Variants in NDUFB2 observed in about 807,000 individuals in gnomAD.
NDUFB2 encodes NADH dehydrogenase [ubiquinone] 1 beta subcomplex subunit 2, mitochondrial.
In NDUFB2, 13 loss-of-function variants were observed where a neutral mutation model predicts 13.4. The ratio of observed to expected loss-of-function variants is 0.97; its 90% CI spans 0.63 to 1.54. The LOEUF is 1.54. NDUFB2 is among the 40% of genes most tolerant of loss of function. The pLI, the probability that NDUFB2 is intolerant of heterozygous loss-of-function variation, is 0.00. For missense variants in NDUFB2, 150 were observed against 139.7 expected (o/e 1.07, Z -0.37); for synonymous variants, 47 against 50.6 (o/e 0.93, Z 0.30).
intron 3 of NDUFB2, 100 bp downstream of exon 3, chr7:140,705,063 T>C (rs1342358076): frequency 1.8e-6 from 1 of 548,316 alleles, no homozygotes; most frequent in Non-Finnish European, 3.0e-6. Context: ...CTGCATATTC[T>C]AACAGCATGA....
At chr7:140,699,991 G>T (rs1033403103) in intron 1 of NDUFB2, among the ~76,000 whole-genome samples, 41 of 151,576 alleles carry the variant, frequency 2.7e-4, no homozygotes, top group Non-Finnish European at 2.2e-4. Flanking sequence ...TCAAATCTTT[G>T]TTCCAAAAGG....
In NDUFB2 at chr7:140,696,725, C is replaced by G. The variant is rs975827102; in HGVS notation, c.-20C>G. ...GCAGGGGCGAGGCGGCTGGGGACCG[C>G]GGGGCGGACGGGAGCGAGTATGTCC... On this transcript the variant is annotated 5_prime_UTR_variant, in exon 1 of 4. Transcript: ENST00000247866. 9 of 1,567,986 alleles carry G rather than the reference C, an allele frequency of 5.7e-6. 1 individual carries two copies. Among genetic ancestry groups the G allele is most frequent in the Non-Finnish European group, 8.6e-7 (1 of 1,157,886 alleles).
At position 140,698,156 on chromosome 7, in the gene NDUFB2, G is replaced by C. The variant is rs1330866848; in HGVS notation, c.98+1314G>C. ...GAATCTGGAGCTGGGGCAGGTGTGG[G>C]GTGGGCAGAAGGCAAAGCCCTGTGT... On this transcript the variant is annotated intron_variant, in intron 1 of 3. Coordinates refer to ENST00000247866, the MANE Select transcript of NDUFB2 (RefSeq NM_004546.3). The C allele has an allele frequency of 2.2e-6, 3 of 1,352,000 alleles. No homozygotes were observed. In the African/African-American group the frequency reaches 4.4e-5, roughly 20 times the overall value. The allele number at this position is 1,352,000 out of a possible 1,614,324, so 83.8% of individuals were successfully genotyped here.
chr7:140,696,717 G>A lies in NDUFB2; in HGVS notation c.-28G>A, dbSNP rs1468088602. On this transcript the variant is annotated 5_prime_UTR_variant, in exon 1 of 4. Coordinates refer to ENST00000247866, the MANE Select transcript of NDUFB2 (RefSeq NM_004546.3). Reference sequence around the variant, plus strand: ...CGAAGTAGGCAGGGGCGAGGCGGCTGGGGACCGCGGGGCGGACGGGAGCGA... The same window carrying A: ...CGAAGTAGGCAGGGGCGAGGCGGCTAGGGACCGCGGGGCGGACGGGAGCGA... 8 of 1,559,322 alleles carry A rather than the reference G, an allele frequency of 5.1e-6. No homozygotes were observed. The highest frequency in any genetic ancestry group is 6.9e-6 in the Non-Finnish European group (8 of 1,152,640).
rs7778495 is a variant in NDUFB2, at chr7:140,698,283, G to A, written c.98+1441G>A. On this transcript the variant is annotated intron_variant, in intron 1 of 3. Coordinates refer to ENST00000247866, the MANE Select transcript of NDUFB2 (RefSeq NM_004546.3). ...TCTTCCCTGAGGTGCTGGCTTGTTC[G>A]TAACACACACTTGTTTCAGAGTGTG... 22,088 of 1,350,848 alleles carry A rather than the reference G, an allele frequency of 0.016. 2,829 individuals are homozygous for A. In the African/African-American group the frequency reaches 0.28, roughly 17 times the overall value. The allele number at this position is 1,350,848 out of a possible 1,614,324, so 83.7% of individuals were successfully genotyped here. A position where few individuals can be genotyped will look rare whatever the true frequency, so the allele number is the denominator to read the frequency against.
At position 140,702,719 on chromosome 7, in the gene NDUFB2, A is replaced by G. The variant is rs1397868431; in HGVS notation, c.99-147A>G. On this transcript the variant is annotated intron_variant, in intron 1 of 3. Transcript: ENST00000247866. ...GAAGCAAGCTTAGTAAAAAGTGAGT[A>G]TTTCAAGGGATTGTGAACTTCTGTC... The G allele has an allele frequency of 3.2e-6, 3 of 928,748 alleles. No individual in the cohort carries two copies. The African/African-American group carries it at 5.0e-5, about 15-fold the overall frequency. 57.5% of individuals were successfully genotyped at this position (928,748 alleles called of 1,614,324 possible). A position where few individuals can be genotyped will look rare whatever the true frequency, so the allele number is the denominator to read the frequency against.
chr7:140,702,664 C>G (rs1585864939), intron 1 of NDUFB2: 2 of 530,986 alleles, frequency 3.8e-6, no homozygotes, highest in East Asian at 3.0e-5. Context: ...AGCCTCTTGT[C>G]AGTTTTGGTC....
chr7:140,698,201 A>G (rs759661642), intron 1 of NDUFB2: 1 of 1,352,096 alleles, frequency 7.4e-7, no homozygotes, highest in Admixed American at 1.9e-5. Context: ...AAAGACAGTG[A>G]TGGAGAGCCA....
At chr7:140,703,119 C>G (rs1432869690) in intron 2 of NDUFB2, 109 bp downstream of exon 2, 3 of 1,339,630 alleles carry the variant, frequency 2.2e-6, no homozygotes, top group Non-Finnish European at 2.1e-6. Context: ...GGACATCGCC[C>G]TTTGCCACCA....
At position 140,696,815 on chromosome 7, in the gene NDUFB2, G is replaced by C; in HGVS notation, c.71G>C (p.Arg24Pro). 1 of 1,608,986 alleles carries C rather than the reference G, an allele frequency of 6.2e-7. No individual in the cohort carries two copies. Among genetic ancestry groups the C allele is most frequent in the South Asian group, 1.1e-5 (1 of 90,220 alleles). ...GGRLFRSGCA[R>P]TAGDGGVRHA... ...CGCCTTTTCAGAAGCGGCTGCGCAC[G>C]GACTGCTGGAGATGGTGGAGTCCGT... Residue 24 changes from arginine to proline, a missense_variant, in exon 1 of 4, where the codon CGG (arginine) becomes CCG (proline). Transcript: ENST00000247866.
chr7:140,697,258 G>A (rs888583529), intron 1 of NDUFB2: 4 of 699,154 alleles, frequency 5.7e-6, no homozygotes, highest in African/African-American at 5.2e-5. Context: ...GGGTCCCGGT[G>A]CCTGGCTGCG....
rs1794813546 is a variant in NDUFB2 at position 140,696,817 on chromosome 7, A to G, written c.73A>G (p.Thr25Ala). The change falls in exon 1 of 4, where the codon ACT (threonine) becomes GCT (alanine). Residue 25 changes from threonine to alanine, a missense_variant. Transcript: ENST00000247866. ...GRLFRSGCAR[T>A]AGDGGVRHAG... ...CCTTTTCAGAAGCGGCTGCGCACGG[A>G]CTGCTGGAGATGGTGGAGTCCGTCA... is the stretch of plus-strand genomic sequence containing the variant. 6.2e-7 allele frequency: 1 copy of G among 1,608,884 alleles called. No homozygotes were observed. The highest frequency in any genetic ancestry group is 8.5e-7 in the Non-Finnish European group (1 of 1,177,958).
chr7:140,706,616 C>T lies in NDUFB2; in HGVS notation c.*83C>T, dbSNP rs1563216524. ...GACTTCATATTGCACATTAAAGTTA[C>T]AAATTAAAGTGGCTTGGTCAAGAAT... On this transcript the variant is annotated 3_prime_UTR_variant, in exon 4 of 4. Coordinates refer to ENST00000247866, the MANE Select transcript of NDUFB2 (RefSeq NM_004546.3). 7.2e-6 allele frequency: 1 copy of T among 138,010 alleles called. No individual in the cohort carries two copies. Among genetic ancestry groups the T allele is most frequent in the African/African-American group, 2.7e-5 (1 of 36,438 alleles). The allele number at this position is 138,010 out of a possible 1,614,324, so 8.5% of individuals were successfully genotyped here.
rs1794824136 is a variant in NDUFB2, at chr7:140,697,253, C to T, written c.98+411C>T. On this transcript the variant is annotated intron_variant, in intron 1 of 3. Coordinates refer to ENST00000247866, the MANE Select transcript of NDUFB2 (RefSeq NM_004546.3). ...CCTAGGGAGGGCGCGGTCCAGGGTC[C>T]CGGTGCCTGGCTGCGGAATTTAGGG... The T allele has an allele frequency of 5.7e-6, 4 of 697,028 alleles. No individual in the cohort carries two copies. The Admixed American group carries it at 8.1e-5, about 14-fold the overall frequency. 43.2% of individuals were successfully genotyped at this position (697,028 alleles called of 1,614,324 possible). A position where few individuals can be genotyped will look rare whatever the true frequency, so the allele number is the denominator to read the frequency against.
chr7:140,704,263 A>T (rs1794936461), intron 2 of NDUFB2, among the ~76,000 whole-genome samples: 3 of 152,220 alleles, frequency 2.0e-5, no homozygotes. Context: ...AGGTTGCTTC[A>T]TATCCCATTT....
chr7:140,699,047 A>G (rs183265336), intron 1 of NDUFB2, among the ~76,000 whole-genome samples: 11 of 152,170 alleles, frequency 7.2e-5, no homozygotes, highest in African/African-American at 2.6e-4. Flanking sequence ...AATCCCAGCT[A>G]CTGGGGAGGC....
intron 2 of NDUFB2, among the ~76,000 whole-genome samples, chr7:140,704,635 G>T (rs747982982): frequency 6.6e-6 from 1 of 152,096 alleles, no homozygotes; most frequent in Non-Finnish European, 1.5e-5. Context: ...GCTTAGGCTG[G>T]TACCTCCAAA....
In NDUFB2 at chr7:140,698,021, G is replaced by A. The variant is rs1585862110; in HGVS notation, c.98+1179G>A. The A allele has an allele frequency of 2.3e-6, 3 of 1,290,260 alleles. No individual in the cohort carries two copies. The East Asian group carries it at 1.7e-4, about 71-fold the overall frequency. 79.9% of individuals were successfully genotyped at this position (1,290,260 alleles called of 1,614,324 possible). ...TCTCACTAAAGTGTTTAAAACAATT[G>A]CTGGTGCCTGCTAAGGACCGTACAA... On this transcript the variant is annotated intron_variant, in intron 1 of 3. Transcript: ENST00000247866.
At chr7:140,698,642 G>A (rs917628756) in intron 1 of NDUFB2, among the ~76,000 whole-genome samples, 6 of 152,078 alleles carry the variant, frequency 3.9e-5, no homozygotes, top group Non-Finnish European at 8.8e-5. Flanking sequence ...GACATAAGAG[G>A]GCAGAGGAGG....
Sources: allele counts gnomAD v4.1 joint callset (sites outside exome capture counted in the v4.1 genomes callset), GRCh38; gene constraint gnomAD v4.1.1; transcripts MANE v1.5; gene names NCBI Gene and HGNC (gene_info 2026-07-23, HGNC 2026-07-21).